Variants in TSPAN14 observed in about 807,000 individuals in gnomAD.
TSPAN14 encodes the protein tetraspanin 14.
Under a neutral mutation model 36.6 loss-of-function variants are expected in TSPAN14, and 16 were observed. The ratio of observed to expected loss-of-function variants is 0.44; its 90% CI spans 0.30 to 0.66. The LOEUF (loss-of-function observed/expected upper bound fraction) is 0.66. TSPAN14 is among the 30% of genes least tolerant of loss of function. The pLI, the probability that TSPAN14 is intolerant of heterozygous loss-of-function variation, is 0.12. For synonymous variants in TSPAN14, 139 were observed against 143.8 expected (o/e 0.97, Z 0.24); for missense variants, 231 against 355.1 (o/e 0.65, Z 2.81).
intron 2 of TSPAN14, among the ~76,000 whole-genome samples, chr10:80,504,366 C>T (rs762020223): frequency 7.2e-5 from 11 of 152,182 alleles, no homozygotes; most frequent in African/African-American, 1.2e-4. Flanking sequence ...GGTCAGCCCT[C>T]CCAAGGGGTG....
At chr10:80,511,547 G>A (rs1383938935) in intron 5 of TSPAN14, among the ~76,000 whole-genome samples, 6 of 152,128 alleles carry the variant, frequency 3.9e-5, no homozygotes, top group Non-Finnish European at 8.8e-5. Flanking sequence ...CAAGCTCCCT[G>A]CTAAGGAGGG....
intron 1 of TSPAN14, among the ~76,000 whole-genome samples, chr10:80,470,023 A>G (rs779740032): frequency 1.3e-5 from 2 of 152,266 alleles, no homozygotes; most frequent in Non-Finnish European, 2.9e-5. Context: ...TCATCTCTAG[A>G]TTACTTATAA....
Position 80,503,757 on chromosome 10 carries a change from A to G in TSPAN14, c.82-971A>G, listed in dbSNP as rs147214951. Among the ~76,000 whole-genome samples, 11 of 152,178 alleles carry G rather than the reference A, an allele frequency of 7.2e-5. No homozygotes were observed. In the East Asian group the frequency reaches 1.9e-3, roughly 27 times the overall value. ...GCCCCTGGGGCTAGTTACTGAGTAA[A>G]ATAGGTAGAAGTGGCTCAAGGCTTG... On this transcript the variant is annotated intron_variant, in intron 2 of 8. Transcript: ENST00000429989.
At chr10:80,507,883 C>T (rs1263042401) in intron 4 of TSPAN14, among the ~76,000 whole-genome samples, 2 of 152,036 alleles carry the variant, frequency 1.3e-5, no homozygotes, top group Admixed American at 1.3e-4. Context: ...TTAAATAACA[C>T]CTGGTGGGGA....
intron 3 of TSPAN14, among the ~76,000 whole-genome samples, chr10:80,506,337 G>A (rs201591086): frequency 3.3e-5 from 5 of 152,054 alleles, no homozygotes; most frequent in African/African-American, 4.8e-5. Flanking sequence ...TTTTCTTTCA[G>A]GAAAGGTATG....
At chr10:80,473,139 T>C (rs1179190919) in intron 1 of TSPAN14, among the ~76,000 whole-genome samples, 1 of 152,106 alleles carries the variant, frequency 6.6e-6, no homozygotes, top group African/African-American at 2.4e-5. Context: ...ATAATAAAAA[T>C]AGTAAGCTTG....
At chr10:80,458,120 G>A (rs1845812210) in intron 1 of TSPAN14, among the ~76,000 whole-genome samples, 2 of 152,218 alleles carry the variant, frequency 1.3e-5, no homozygotes, top group Admixed American at 6.5e-5. Flanking sequence ...TGTAGGGGCA[G>A]CCACCTTTCC....
At chr10:80,480,252 G>C (rs530669171) in intron 1 of TSPAN14, among the ~76,000 whole-genome samples, 131 of 151,392 alleles carry the variant, frequency 8.7e-4, no homozygotes, top group African/African-American at 2.9e-3. Flanking sequence ...GGGACAATTT[G>C]ACTTCCTCTT....
At chr10:80,457,788 A>C (rs1430455905) in intron 1 of TSPAN14, among the ~76,000 whole-genome samples, 1 of 152,244 alleles carries the variant, frequency 6.6e-6, no homozygotes, top group African/African-American at 2.4e-5. Flanking sequence ...GTCTGGACAG[A>C]TCACGGTTTG....
At chr10:80,495,769 C>T (rs1200815828) in intron 2 of TSPAN14, among the ~76,000 whole-genome samples, 2 of 152,150 alleles carry the variant, frequency 1.3e-5, no homozygotes, top group Non-Finnish European at 2.9e-5. Flanking sequence ...ATGATCACTT[C>T]TGTTGATGTC....
chr10:80,511,709 GTCC>G (rs1840630916), intron 5 of TSPAN14, among the ~76,000 whole-genome samples: 1 of 80,404 alleles, frequency 1.2e-5, no homozygotes, highest in Non-Finnish European at 2.4e-5. Flanking sequence ...AAAAGGGCAG[GTCC>G]TCTCTCTCTC....
At chr10:80,489,714 T>TA (rs1251403722) in intron 2 of TSPAN14, among the ~76,000 whole-genome samples, 1 of 152,156 alleles carries the variant, frequency 6.6e-6, no homozygotes, top group Non-Finnish European at 1.5e-5. Context: ...ACAAGGGCAA[T>TA]AAAGTCTTAT....
chr10:80,467,298 G>C (rs1399973610), intron 1 of TSPAN14, among the ~76,000 whole-genome samples: 1 of 152,142 alleles, frequency 6.6e-6, no homozygotes, highest in African/African-American at 2.4e-5. Flanking sequence ...GGTCTGTTTA[G>C]TTGGTTATGG....
intron 7 of TSPAN14, among the ~76,000 whole-genome samples, chr10:80,514,943 G>C (rs1840853075): frequency 2.0e-5 from 3 of 152,282 alleles, no homozygotes; most frequent in African/African-American, 7.2e-5. Context: ...GTGAGAGGGT[G>C]CCATCCATGA....
At chr10:80,468,378 A>C (rs761959727) in intron 1 of TSPAN14, among the ~76,000 whole-genome samples, 1 of 152,228 alleles carries the variant, frequency 6.6e-6, no homozygotes, top group Non-Finnish European at 1.5e-5. Context: ...AATGGGAATA[A>C]AAATAATCTG....
chr10:80,474,844 C>T (rs1846767035), intron 1 of TSPAN14, among the ~76,000 whole-genome samples: 1 of 152,146 alleles, frequency 6.6e-6, no homozygotes. Context: ...TCTCTCCCCT[C>T]TTCCTCCCTC....
chr10:80,517,989 A>C (rs995810945), exon 9 of TSPAN14: 36 of 1,554,950 alleles, frequency 2.3e-5, no homozygotes, highest in Non-Finnish European at 2.9e-5. Context: ...AGCAGAGTTG[A>C]GGGAGCCGAG....
chr10:80,509,258 C>CT lies in TSPAN14; in HGVS notation c.280-42dup, dbSNP rs777842216. ...GGGGTTATGTGTGTGGGGGTGCAGG[C>CT]TGGTGGGGTGGTGACTTCTGCTCCC... On this transcript the variant is annotated intron_variant, in intron 4 of 8. Coordinates refer to ENST00000429989, the Ensembl canonical transcript of TSPAN14. This position sits in a 1 kb window ranked among gnomAD's most constrained non-coding sequence, Gnocchi z 4.7. 6.3e-7 allele frequency: 1 copy of CT among 1,593,288 alleles called. No individual in the cohort carries two copies. Among genetic ancestry groups the CT allele is most frequent in the South Asian group, 1.1e-5 (1 of 87,656 alleles).
chr10:80,512,160 C>T, exon 6 of TSPAN14: 4 of 1,614,238 alleles, frequency 2.5e-6, no homozygotes, highest in Non-Finnish European at 3.4e-6. Flanking sequence ...TGCTGTGGCG[C>T]ATATGGCCCT....
Sources: allele counts gnomAD v4.1 joint callset (sites outside exome capture counted in the v4.1 genomes callset), GRCh38; gene constraint gnomAD v4.1.1; non-coding constraint Gnocchi (gnomAD v3.1); transcripts MANE v1.5; gene names NCBI Gene and HGNC (gene_info 2026-07-23, HGNC 2026-07-21).